Variants in CARMIL3 observed in about 807,000 individuals in gnomAD.
The protein encoded by CARMIL3 is capping protein regulator and myosin 1 linker 3.
Under a neutral mutation model 180.8 loss-of-function variants are expected in CARMIL3, and 88 were observed. The ratio of observed to expected loss-of-function variants is 0.49; its 90% CI spans 0.41 to 0.58. The LOEUF (loss-of-function observed/expected upper bound fraction) is 0.58, where lower values mean the gene tolerates loss of function less well. CARMIL3 is among the 20% of genes least tolerant of loss of function. CARMIL3 has a pLI of 0.00. For missense variants in CARMIL3, 1,548 were observed against 1,787.0 expected (o/e 0.87, Z 2.41); for synonymous variants, 696 against 714.5 (o/e 0.97, Z 0.41).
chr14:24,052,800 C>T (rs928388695), intron 1 of CARMIL3, among the ~76,000 whole-genome samples: 1 of 152,194 alleles, frequency 6.6e-6, no homozygotes, highest in Non-Finnish European at 1.5e-5. Flanking sequence ...TTCTCGCTAC[C>T]CACCACCCAC....
At position 24,068,879 on chromosome 14, in the gene CARMIL3, G is replaced by A. The variant is rs140474427; in HGVS notation, c.3895G>A (p.Ala1299Thr). The change falls in exon 38 of 40, where the codon GCT becomes ACT. Residue 1299 changes from alanine to threonine, a missense_variant. Ala to Thr is a moderately conservative substitution (Grantham distance 58). Transcript: ENST00000342740. ...PPQEPGVREE[A>T]EAGDAAPGVN... ...CCAGGAGCCAGGGGTCAGGGAGGAG[G>A]CTGAGGCTGGAGATGCAGCTCCAGG... The A allele has an allele frequency of 2.9e-5, 47 of 1,610,516 alleles. No individual in the cohort carries two copies. Among genetic ancestry groups the A allele is most frequent in the Middle Eastern group, 3.3e-4 (2 of 6,074 alleles).
intron 10 of CARMIL3, 108 bp from the exon 11 acceptor site, chr14:24,056,191 T>A (rs1014875267): frequency 4.3e-5 from 38 of 882,404 alleles, no homozygotes; most frequent in Non-Finnish European, 6.0e-5. Context: ...TGTGGGGGCC[T>A]CTGACCATGC....
At position 24,058,895 on chromosome 14, in the gene CARMIL3, G is replaced by C; in HGVS notation, c.1480G>C (p.Asp494His). 2.5e-6 allele frequency: 4 copies of C among 1,614,180 alleles called. No homozygotes were observed. The highest frequency in any genetic ancestry group is 3.4e-6 in the Non-Finnish European group (4 of 1,180,044). Residue 494 changes from aspartate (D) to histidine (H), a missense_variant, in exon 19 of 40, where the codon GAC becomes CAC. This residue lies in a region of CARMIL3 where 578 missense variants were observed against 666.5 expected (regional missense o/e 0.87). Transcript: ENST00000342740. The surrounding 1 kb of genome is among the most constrained non-coding windows in gnomAD (Gnocchi z 6.4). ...GSLDLSDNGF[D>H]SDLLTLVPAL... Reference sequence around the variant, plus strand: ...CTCTCCCATCTGCTCACCAGGGTTCGACTCGGACCTCCTGACACTGGTGCC... The same window carrying C: ...CTCTCCCATCTGCTCACCAGGGTTCCACTCGGACCTCCTGACACTGGTGCC...
rs752457473 is a variant in CARMIL3, at chr14:24,061,455, C to T, written c.2305-42C>T. 94 of 1,588,960 alleles carry T rather than the reference C, an allele frequency of 5.9e-5. No homozygotes were observed. The highest frequency in any genetic ancestry group is 1.7e-4 in the Middle Eastern group (1 of 5,980). ...TTCTGCTGTGGTGCCAGCCCTGATC[C>T]TGTCCCCCTTGGGCCTCTGGCCTCC... is the stretch of plus-strand genomic sequence containing the variant. On this transcript the variant is annotated intron_variant, in intron 26 of 39. Coordinates refer to ENST00000342740, the MANE Select transcript of CARMIL3 (RefSeq NM_138360.4). The surrounding 1 kb of genome is among the most constrained non-coding windows in gnomAD (Gnocchi z 4.1).
intron 32 of CARMIL3, among the ~76,000 whole-genome samples, chr14:24,064,707 A>G (rs938560627): frequency 1.3e-5 from 2 of 152,180 alleles, no homozygotes; most frequent in South Asian, 2.1e-4. Context: ...TCTGTCCAGG[A>G]GGAGCCAGGT....
At chr14:24,065,971 G>T (rs527351057) in intron 34 of CARMIL3, among the ~76,000 whole-genome samples, 1 of 151,886 alleles carries the variant, frequency 6.6e-6, no homozygotes, top group Non-Finnish European at 1.5e-5. Flanking sequence ...AAAATGAGGG[G>T]TTATAAAAAT....
At chr14:24,067,795 A>G (rs913830632) in intron 36 of CARMIL3, among the ~76,000 whole-genome samples, 1 of 152,284 alleles carries the variant, frequency 6.6e-6, no homozygotes, top group African/African-American at 2.4e-5. Context: ...TTCCAGTGTC[A>G]GAGCCACAGG....
At position 24,068,817 on chromosome 14, in the gene CARMIL3, C is replaced by T. The variant is rs770756837; in HGVS notation, c.3833C>T (p.Pro1278Leu). 6 of 1,613,956 alleles carry T rather than the reference C, an allele frequency of 3.7e-6. No individual in the cohort carries two copies. The highest frequency in any genetic ancestry group is 5.1e-6 in the Non-Finnish European group (6 of 1,180,034). ...GACCCCGCTCTAGCTCCATGGCCTCCCAAGCCAGTGGCTGTGCCCAGGGGC... is the reference window on the plus strand; with the variant it reads ...GACCCCGCTCTAGCTCCATGGCCTCTCAAGCCAGTGGCTGTGCCCAGGGGC... Reference protein sequence around the residue: ...LQDPALAPWPPKPVAVPRGRQ... With the variant: ...LQDPALAPWPLKPVAVPRGRQ... The change falls in exon 38 of 40, where the codon CCC (proline) becomes CTC (leucine). Residue 1278 changes from proline to leucine, a missense_variant. This residue lies in a region of CARMIL3 where 668 missense variants were observed against 687.8 expected (regional missense o/e 0.97). Coordinates refer to ENST00000342740, the MANE Select transcript of CARMIL3 (RefSeq NM_138360.4).
chr14:24,063,915 G>A (rs1396095318), intron 31 of CARMIL3, among the ~76,000 whole-genome samples: 1 of 151,680 alleles, frequency 6.6e-6, no homozygotes, highest in Non-Finnish European at 1.5e-5. Context: ...CCAAGATGGT[G>A]AAACCCCATC....
chr14:24,066,166 C>T (rs1332435051), intron 34 of CARMIL3, among the ~76,000 whole-genome samples: 2 of 151,558 alleles, frequency 1.3e-5, no homozygotes, highest in African/African-American at 2.4e-5. Context: ...GTGTTTTTTT[C>T]TACTACATGT....
Position 24,065,115 on chromosome 14 carries a change from CCTCCA to C in CARMIL3, c.3240_3244del (p.Pro1082ThrfsTer11). 1.3e-6 allele frequency: 2 copies of C among 1,503,238 alleles called. No homozygotes were observed. Among genetic ancestry groups the C allele is most frequent in the Non-Finnish European group, 1.8e-6 (2 of 1,127,030 alleles). 93.1% of individuals were successfully genotyped at this position (1,503,238 alleles called of 1,614,324 possible). ...GTCCCCTACCACTGGACTCCTCCTC[CCTCCA>C]CCCCCACCCCCTCCCCCGACTCAGG... is the stretch of plus-strand genomic sequence containing the variant. On this transcript the variant is annotated frameshift_variant, in exon 33 of 40. Transcript: ENST00000342740. LOFTEE classifies it high-confidence loss of function.
At chr14:24,067,958 T>C (rs2035805016) in intron 36 of CARMIL3, among the ~76,000 whole-genome samples, 1 of 152,254 alleles carries the variant, frequency 6.6e-6, no homozygotes, top group Admixed American at 6.5e-5. Context: ...AGCATGCCTG[T>C]GGACCCAGCA....
intron 1 of CARMIL3, 105 bp downstream of exon 1, chr14:24,052,298 C>T: frequency 1.7e-6 from 2 of 1,150,694 alleles, no homozygotes; most frequent in Non-Finnish European, 2.4e-6. Context: ...CACCCCTCAC[C>T]CCATGCATCC....
chr14:24,068,476 T>C (rs987912919), intron 36 of CARMIL3, 108 bp from the exon 37 acceptor site: 1 of 892,544 alleles, frequency 1.1e-6, no homozygotes, highest in Admixed American at 2.5e-5. Flanking sequence ...CAAGTGGGCT[T>C]GGAGGGAGAA....
In CARMIL3 at chr14:24,059,242, T is replaced by TG. The variant is rs2035705075; in HGVS notation, c.1627-25dup. ...TGCAGTCGGAGGAGGCTGTGGGGAC[T>TG]GGGTCCAACCGCCCCTTGCCCACAC... On this transcript the variant is annotated intron_variant, in intron 20 of 39. Transcript: ENST00000342740. The surrounding 1 kb of genome is among the most constrained non-coding windows in gnomAD (Gnocchi z 6.3). The TG allele has an allele frequency of 1.2e-6, 2 of 1,613,672 alleles. No individual in the cohort carries two copies. The highest frequency in any genetic ancestry group is 2.2e-5 in the South Asian group (2 of 91,074).
chr14:24,068,707 G>A lies in CARMIL3; in HGVS notation c.3801+5G>A, dbSNP rs374710028. 25 of 1,613,440 alleles carry A rather than the reference G, an allele frequency of 1.5e-5. No homozygotes were observed. In the African/African-American group the frequency reaches 2.9e-4, roughly 19 times the overall value. On this transcript the variant is annotated splice_donor_5th_base_variant and intron_variant, in intron 37 of 39. Coordinates refer to ENST00000342740, the MANE Select transcript of CARMIL3 (RefSeq NM_138360.4). The stretch of plus-strand genomic sequence containing the variant: ...CTTCCAGCTAGGAATGCCAAGGTGA[G>A]AGCTGGCAAGATGGGTGGGGGAGGC...
Position 24,054,685 on chromosome 14 carries a change from TC to T in CARMIL3, c.363-25del. On this transcript the variant is annotated intron_variant, in intron 5 of 39. Transcript: ENST00000342740. The surrounding 1 kb of genome is among the most constrained non-coding windows in gnomAD (Gnocchi z 5.1). ...AACTGAGAGCCTCTTTCCAGCCCTC[TC>T]TGGAATGACTTGTTTCTTTTCCAGG... is the stretch of plus-strand genomic sequence containing the variant. 6.2e-7 allele frequency: 1 copy of T among 1,604,180 alleles called. No homozygotes were observed. The highest frequency in any genetic ancestry group is 1.3e-5 in the African/African-American group (1 of 74,796).
chr14:24,060,100 G>A (rs1174732530), intron 23 of CARMIL3, 37 bp downstream of exon 23: 1 of 1,613,566 alleles, frequency 6.2e-7, no homozygotes, highest in Non-Finnish European at 8.5e-7. Context: ...GGCACAGCAA[G>A]GGGCAGGGGG....
Position 24,059,481 on chromosome 14 carries a change from G to C in CARMIL3, c.1799+39G>C. 1 of 1,548,844 alleles carries C rather than the reference G, an allele frequency of 6.5e-7. No homozygotes were observed. The highest frequency in any genetic ancestry group is 8.7e-7 in the Non-Finnish European group (1 of 1,145,082). ...CGGGACCCCCTGACCTGGAGCCCCA[G>C]CCCCTCCCCATATGTACATAATCTC... On this transcript the variant is annotated intron_variant, in intron 21 of 39. Coordinates refer to ENST00000342740, the MANE Select transcript of CARMIL3 (RefSeq NM_138360.4). The surrounding 1 kb of genome is among the most constrained non-coding windows in gnomAD (Gnocchi z 6.3).
Sources: gnomAD v4.1 joint callset for allele counts (sites outside exome capture counted in the v4.1 genomes callset) on GRCh38, gnomAD v4.1.1 for gene constraint, gnomAD v4.1.1 regional missense constraint, Gnocchi (gnomAD v3.1) non-coding constraint, MANE v1.5 for transcripts, NCBI Gene and HGNC (gene_info 2026-07-23, HGNC 2026-07-21) for gene names.